Variants in TECPR2 observed in about 807,000 individuals in gnomAD.
The protein encoded by TECPR2 is tectonin beta-propeller repeat containing 2, also known as tectonin beta-propeller repeat-containing protein 2.
In TECPR2, 65 loss-of-function variants were observed where a neutral mutation model predicts 138.1. The ratio of observed to expected loss-of-function variants is 0.47; its 90% confidence interval spans 0.39 to 0.58. TECPR2 has a LOEUF of 0.58. Among genes scored for constraint, TECPR2 ranks in the 20% least tolerant of loss-of-function variants. The pLI, the probability that TECPR2 is intolerant of heterozygous loss-of-function variation, is 0.00. For synonymous variants in TECPR2, 746 were observed against 749.8 expected, an observed-to-expected ratio of 0.99 and a Z score of 0.08; for missense variants, 1,553 against 1,824.5, an observed-to-expected ratio of 0.85 and a Z score of 2.71.
intron 17 of TECPR2, among the ~76,000 whole-genome samples, chr14:102,479,789 A>G (rs1162737901): frequency 6.6e-6 from 1 of 152,188 alleles, no homozygotes; most frequent in Non-Finnish European, 1.5e-5. Context: ...AACCTCACTG[A>G]GCCAGCGTCG....
At chr14:102,427,021 C>T (rs1254782742) in intron 6 of TECPR2, among the ~76,000 whole-genome samples, 2 of 152,020 alleles carry the variant, frequency 1.3e-5, no homozygotes, top group Non-Finnish European at 2.9e-5. Flanking sequence ...CTAGACTCGA[C>T]TCTTCTAGCC....
chr14:102,467,319 A>ATT (rs35221234), intron 17 of TECPR2, among the ~76,000 whole-genome samples: 1,437 of 114,284 alleles, frequency 0.013, 46 homozygotes, highest in African/African-American at 0.033. Flanking sequence ...ATCCTCACCA[A>ATT]TTTTTTTTTT....
rs191737879 is a variant in TECPR2, at chr14:102,407,041, G to A, written c.220-297G>A. The stretch of plus-strand genomic sequence containing the variant: ...CGCCCAGCTAATTTTTGTGTTTTTA[G>A]TAGAGACGGGGTTTCGCCATGTTGG... On this transcript the variant is annotated intron_variant, in intron 2 of 19. Coordinates refer to ENST00000359520, the MANE Select transcript of TECPR2 (RefSeq NM_014844.5). Among the ~76,000 whole-genome samples the A allele has an allele frequency of 3.3e-5, 5 of 152,028 alleles. No individual in the cohort carries two copies. The East Asian group carries it at 9.7e-4, about 29-fold the overall frequency.
chr14:102,476,157 A>G (rs1014022611), intron 17 of TECPR2, among the ~76,000 whole-genome samples: 1 of 150,484 alleles, frequency 6.6e-6, no homozygotes, highest in Non-Finnish European at 1.5e-5. Context: ...CAGTGAGCAA[A>G]GATTGCACCA....
rs1890085599 is a variant in TECPR2 at position 102,449,643 on chromosome 14, C to T, written c.3090C>T (p.Asp1030=). Residue 1030 remains aspartate (D), a synonymous_variant, in exon 14 of 20, where the codon GAC becomes GAT. Coordinates refer to ENST00000359520, the MANE Select transcript of TECPR2 (RefSeq NM_014844.5). ...DDHWWQVSIT[D]YVVFDQCSLF... ...CCTCCTTCCAGGTGAGCATCACGGA[C>T]TATGTGGTGTTTGACCAGTGCAGCT... 1 of 1,614,094 alleles carries T rather than the reference C, an allele frequency of 6.2e-7. No individual in the cohort carries two copies. Among genetic ancestry groups the T allele is most frequent in the African/African-American group, 1.3e-5 (1 of 74,936 alleles).
chr14:102,426,576 G>A (rs1210444617), intron 6 of TECPR2, among the ~76,000 whole-genome samples: 6 of 152,232 alleles, frequency 3.9e-5, no homozygotes, highest in East Asian at 3.9e-4. Flanking sequence ...TCAGCCAGGC[G>A]CAGTGGCTTA....
intron 17 of TECPR2, among the ~76,000 whole-genome samples, chr14:102,470,729 T>C (rs1890637666): frequency 1.4e-5 from 2 of 144,318 alleles, no homozygotes; most frequent in Non-Finnish European, 3.0e-5. Context: ...AACCTCCACC[T>C]CCCAGGTTCA....
chr14:102,499,559 C>T lies in TECPR2; in HGVS notation c.*1302C>T, dbSNP rs1053831025. 3 of 375,528 alleles carry T rather than the reference C, an allele frequency of 8.0e-6. No individual in the cohort carries two copies. The highest frequency in any genetic ancestry group is 2.1e-5 in the African/African-American group (1 of 48,726). The allele number at this position is 375,528 out of a possible 1,614,324, so 23.3% of individuals were successfully genotyped here. On this transcript the variant is annotated 3_prime_UTR_variant, in exon 20 of 20. Transcript: ENST00000359520. ...TCCGAGTGGCAGCCCATGCCTTCTGCGGGGTATGGGTTGACACTTGACAGG... is the reference window on the plus strand; with the variant it reads ...TCCGAGTGGCAGCCCATGCCTTCTGTGGGGTATGGGTTGACACTTGACAGG...
At chr14:102,397,811 C>G (rs1949589922) in intron 2 of TECPR2, among the ~76,000 whole-genome samples, 1 of 151,618 alleles carries the variant, frequency 6.6e-6, no homozygotes, top group Non-Finnish European at 1.5e-5. Flanking sequence ...GGTGTGGTGG[C>G]TTACGCCTGT....
intron 17 of TECPR2, among the ~76,000 whole-genome samples, chr14:102,465,831 G>C (rs1390643126): frequency 6.6e-6 from 1 of 152,102 alleles, no homozygotes; most frequent in Non-Finnish European, 1.5e-5. Context: ...AGCTCACAAG[G>C]AGAAGTCTGA....
chr14:102,432,879 C>A (rs1889548888), intron 8 of TECPR2, among the ~76,000 whole-genome samples: 1 of 151,834 alleles, frequency 6.6e-6, no homozygotes, highest in African/African-American at 2.4e-5. Flanking sequence ...TGGCATGTGC[C>A]TGTAATCTCA....
At chr14:102,447,518 C>T (rs918211939) in intron 13 of TECPR2, among the ~76,000 whole-genome samples, 7 of 152,078 alleles carry the variant, frequency 4.6e-5, no homozygotes, top group Admixed American at 1.3e-4. Context: ...CACTGATAGT[C>T]GATGGTCGTG....
intron 14 of TECPR2, among the ~76,000 whole-genome samples, chr14:102,450,082 A>G (rs1890100785): frequency 1.3e-5 from 2 of 152,220 alleles, no homozygotes; most frequent in Admixed American, 6.5e-5. Flanking sequence ...GTGTCTGGAT[A>G]GTGTTTCCCC....
intron 17 of TECPR2, among the ~76,000 whole-genome samples, chr14:102,475,720 A>G (rs1337797567): frequency 3.3e-5 from 5 of 152,096 alleles, no homozygotes; most frequent in Admixed American, 6.6e-5. Flanking sequence ...CAACCAATTA[A>G]CATTTACCCA....
chr14:102,433,574 G>A (rs1458825951), intron 8 of TECPR2, among the ~76,000 whole-genome samples: 1 of 151,946 alleles, frequency 6.6e-6, no homozygotes, highest in African/African-American at 2.4e-5. Flanking sequence ...AGGCTAGAGT[G>A]CAATGGTGCG....
chr14:102,417,677 G>A (rs1303545571), intron 5 of TECPR2, among the ~76,000 whole-genome samples: 1 of 152,228 alleles, frequency 6.6e-6, no homozygotes, highest in Non-Finnish European at 1.5e-5. Context: ...AGCCAGAAGT[G>A]ACTAGGGCAC....
intron 7 of TECPR2, among the ~76,000 whole-genome samples, chr14:102,428,766 A>C (rs1178824920): frequency 1.3e-5 from 2 of 152,264 alleles, no homozygotes; most frequent in African/African-American, 2.4e-5. Flanking sequence ...CATCTCAAAA[A>C]CAAAACCAAA....
intron 17 of TECPR2, among the ~76,000 whole-genome samples, chr14:102,495,790 G>A (rs961761761): frequency 5.3e-5 from 8 of 152,150 alleles, no homozygotes; most frequent in African/African-American, 1.2e-4. Flanking sequence ...TGGTGCCCAC[G>A]GGAGGCATTT....
In TECPR2 at chr14:102,483,094, GC is replaced by G. The variant is rs552026514; in HGVS notation, c.3790-13882del. 1.5e-3 allele frequency among the ~76,000 whole-genome samples: 226 copies of G among 151,378 alleles called. 2 individuals are homozygous for G. Among genetic ancestry groups the G allele is most frequent in the African/African-American group, 5.3e-3 (219 of 41,218 alleles). ...TCTCGATCTCCTGACCTTATGATCT[GC>G]CCGTCTCGGCCTCTCAAAGTGCTGG... On this transcript the variant is annotated intron_variant, in intron 17 of 19. Transcript: ENST00000359520.
Sources: allele counts gnomAD v4.1 joint callset (sites outside exome capture counted in the v4.1 genomes callset), GRCh38; gene constraint gnomAD v4.1.1; transcripts MANE v1.5; gene names NCBI Gene and HGNC (gene_info 2026-07-23, HGNC 2026-07-21).